TNRC6B: variants seen among roughly 807,000 people sequenced by gnomAD.
TNRC6B encodes trinucleotide repeat containing adaptor 6B, also known as trinucleotide repeat-containing gene 6B protein.
Under a neutral mutation model 203.6 loss-of-function variants are expected in TNRC6B, and 52 were observed. That is an observed-to-expected ratio of 0.26 (90% confidence interval 0.20 to 0.32). TNRC6B has a LOEUF of 0.32. TNRC6B is among the 10% of genes least tolerant of loss of function. The pLI is 1.00. For synonymous variants in TNRC6B, 838 were observed against 845.7 expected (o/e 0.99, Z 0.16); for missense variants, 1,923 against 2,286.2 (o/e 0.84, Z 3.24).
intron 1 of TNRC6B, among the ~76,000 whole-genome samples, chr22:40,047,584 C>T (rs2067701866): frequency 6.6e-6 from 1 of 151,336 alleles, no homozygotes; most frequent in African/African-American, 2.4e-5. Context: ...ATCTGGGCAA[C>T]AAGAGCGAAA....
intron 1 of TNRC6B, among the ~76,000 whole-genome samples, chr22:40,109,855 A>G (rs2068317774): frequency 6.6e-6 from 1 of 152,108 alleles, no homozygotes; most frequent in African/African-American, 2.4e-5. Context: ...TTTTCTCCTT[A>G]TATTTAGTGT....
chr22:40,098,789 A>G (rs1460615188), intron 1 of TNRC6B, among the ~76,000 whole-genome samples: 2 of 152,006 alleles, frequency 1.3e-5, no homozygotes, highest in Non-Finnish European at 2.9e-5. Flanking sequence ...GTGCAGTGGT[A>G]TGATCATAGC....
intron 1 of TNRC6B, among the ~76,000 whole-genome samples, chr22:40,099,517 G>A (rs1334877676): frequency 1.3e-5 from 2 of 151,964 alleles, no homozygotes; most frequent in East Asian, 3.8e-4. Flanking sequence ...AATCAATCAT[G>A]GATCAGAAAT....
intron 2 of TNRC6B, among the ~76,000 whole-genome samples, chr22:40,247,107 C>T (rs2070117728): frequency 6.6e-6 from 1 of 152,138 alleles, no homozygotes; most frequent in African/African-American, 2.4e-5. Context: ...CCTGTTTCCC[C>T]ACCTTACCAT....
At chr22:40,158,897 G>T (rs1334186430) in intron 4 of TNRC6B, among the ~76,000 whole-genome samples, 1 of 152,144 alleles carries the variant, frequency 6.6e-6, no homozygotes, top group Non-Finnish European at 1.5e-5. Flanking sequence ...CAGAACTGCA[G>T]TTGGCAAATG....
intron 1 of TNRC6B, among the ~76,000 whole-genome samples, chr22:40,222,112 C>T (rs1206040605): frequency 1.3e-5 from 2 of 152,118 alleles, no homozygotes; most frequent in Non-Finnish European, 2.9e-5. Context: ...AGTATTTTGT[C>T]TTCACGCCGT....
At chr22:40,062,201 T>G (rs533776706) in intron 1 of TNRC6B, among the ~76,000 whole-genome samples, 5 of 152,320 alleles carry the variant, frequency 3.3e-5, no homozygotes, top group Admixed American at 2.0e-4. Flanking sequence ...TAAATTTTAC[T>G]TTATTTATTT....
intron 3 of TNRC6B, among the ~76,000 whole-genome samples, chr22:40,126,306 G>T (rs2068492661): frequency 6.6e-6 from 1 of 152,230 alleles, no homozygotes; most frequent in Non-Finnish European, 1.5e-5. Flanking sequence ...TGAGTATGTT[G>T]TGTGATGCTG....
At chr22:40,231,401 T>A (rs1366971424) in intron 1 of TNRC6B, among the ~76,000 whole-genome samples, 1 of 152,174 alleles carries the variant, frequency 6.6e-6, no homozygotes, top group Non-Finnish European at 1.5e-5. Flanking sequence ...TTCACTTACG[T>A]AGGTTTTTAA....
chr22:40,185,956 T>A (rs967796864), intron 1 of TNRC6B, among the ~76,000 whole-genome samples: 5 of 152,104 alleles, frequency 3.3e-5, no homozygotes, highest in African/African-American at 9.7e-5. Context: ...ACTTACTGAA[T>A]TGGAGAATTT....
intron 1 of TNRC6B, among the ~76,000 whole-genome samples, chr22:40,204,667 G>A (rs1224523053): frequency 2.6e-5 from 4 of 152,190 alleles, no homozygotes; most frequent in Admixed American, 6.5e-5. Context: ...GGGCTGCCTG[G>A]CCTCCTTGAT....
In TNRC6B at chr22:40,170,414, TTA is replaced by T. The variant is rs1332456811; in HGVS notation, c.113+14242_113+14243del. Among the ~76,000 whole-genome samples the T allele has an allele frequency of 6.2e-3, 146 of 23,612 alleles. 6 individuals carry two copies. The highest frequency in any genetic ancestry group is 0.015 in the African/African-American group (21 of 1,394). The allele number at this position is 23,612 out of a possible 152,430, so 15.5% of individuals were successfully genotyped here. ...TTTATATATATATTATATATATAGT[TTA>T]TATATATATTATATATATAGTTTAT... On this transcript the variant is annotated intron_variant, in intron 4 of 23. Coordinates refer to the TNRC6B transcript ENST00000301923.
intron 1 of TNRC6B, among the ~76,000 whole-genome samples, chr22:40,072,978 A>G (rs2067965979): frequency 6.6e-6 from 1 of 151,914 alleles, no homozygotes; most frequent in Non-Finnish European, 1.5e-5. Context: ...TGAGGCTATA[A>G]GATATTTCCT....
intron 1 of TNRC6B, among the ~76,000 whole-genome samples, chr22:40,105,962 A>G (rs1463409041): frequency 6.6e-6 from 1 of 152,206 alleles, no homozygotes; most frequent in Non-Finnish European, 1.5e-5. Flanking sequence ...TGATGTTTTT[A>G]GCCATTGTGG....
chr22:40,157,823 A>G (rs1371623295), intron 4 of TNRC6B, among the ~76,000 whole-genome samples: 2 of 152,146 alleles, frequency 1.3e-5, no homozygotes, highest in Admixed American at 6.6e-5. Context: ...TTGCTTAAAT[A>G]TGTTTTACTC....
intron 1 of TNRC6B, among the ~76,000 whole-genome samples, chr22:40,098,316 C>T (rs1005093222): frequency 8.3e-5 from 11 of 131,828 alleles, no homozygotes; most frequent in Non-Finnish European, 1.4e-4. Context: ...AACCTGGAAG[C>T]GGAGGTTGCA....
At chr22:40,263,239 A>T (rs1270647600) in intron 4 of TNRC6B, among the ~76,000 whole-genome samples, 3 of 152,224 alleles carry the variant, frequency 2.0e-5, no homozygotes, top group Non-Finnish European at 2.9e-5. Flanking sequence ...CACCAGTAGG[A>T]TGCTTTATTT....
chr22:40,278,145 A>T, intron 9 of TNRC6B, 101 bp downstream of exon 9: 2 of 888,802 alleles, frequency 2.3e-6, no homozygotes. Context: ...AGTTCAGTAG[A>T]CATTGATTGA....
At chr22:40,247,944 G>A (rs1411493699) in intron 2 of TNRC6B, among the ~76,000 whole-genome samples, 1 of 152,088 alleles carries the variant, frequency 6.6e-6, no homozygotes, top group African/African-American at 2.4e-5. Context: ...GTGTGGTGGT[G>A]CACACCTGTG....
Sources: allele counts gnomAD v4.1 joint callset (sites outside exome capture counted in the v4.1 genomes callset), GRCh38; gene constraint gnomAD v4.1.1; transcripts MANE v1.5; gene names NCBI Gene and HGNC (gene_info 2026-07-23, HGNC 2026-07-21).